FYB2: variants seen among roughly 807,000 people sequenced by gnomAD.
FYB2 encodes FYN binding protein 2.
Under a neutral mutation model 94.1 loss-of-function variants are expected in FYB2, and 103 were observed. The ratio of observed to expected loss-of-function variants is 1.09; its 90% CI spans 0.93 to 1.29. FYB2 has a LOEUF of 1.29. Among genes scored for constraint, FYB2 ranks in the 50% most tolerant of loss-of-function variants. The probability of loss-of-function intolerance (pLI) is 0.00; values close to 1 mark genes in which losing one functional copy is unlikely to be tolerated. For missense variants in FYB2, 896 were observed against 841.5 expected (o/e 1.06, Z -0.80); for synonymous variants, 293 against 287.9 (o/e 1.02, Z -0.18).
At chr1:56,775,960 T>A (rs1029753579) in intron 4 of FYB2, among the ~76,000 whole-genome samples, 1 of 152,172 alleles carries the variant, frequency 6.6e-6, no homozygotes, top group East Asian at 1.9e-4. Context: ...TTATCTCACA[T>A]AATCCTCTCA....
intron 1 of FYB2, among the ~76,000 whole-genome samples, chr1:56,814,703 C>T (rs1382922931): frequency 6.6e-6 from 1 of 152,166 alleles, no homozygotes; most frequent in African/African-American, 2.4e-5. Context: ...TGAACTTAAC[C>T]CAGGCCCAGT....
At chr1:56,733,216 G>C (rs1644749767) in intron 15 of FYB2, among the ~76,000 whole-genome samples, 1 of 152,032 alleles carries the variant, frequency 6.6e-6, no homozygotes, top group Admixed American at 6.6e-5. Context: ...TAGTTTATTT[G>C]GGTAGAGGTG....
chr1:56,731,190 G>A (rs1355645142), intron 15 of FYB2, among the ~76,000 whole-genome samples: 7 of 152,106 alleles, frequency 4.6e-5, no homozygotes, highest in Non-Finnish European at 8.8e-5. Flanking sequence ...GGGCTCACTT[G>A]GTGAGCACAT....
At chr1:56,733,091 G>A (rs1334680037) in intron 15 of FYB2, among the ~76,000 whole-genome samples, 2 of 151,868 alleles carry the variant, frequency 1.3e-5, no homozygotes, top group Admixed American at 6.6e-5. Flanking sequence ...AATCTGACAG[G>A]TGATTAATAT....
chr1:56,722,995 A>G (rs1238428892), intron 17 of FYB2, among the ~76,000 whole-genome samples: 1 of 152,016 alleles, frequency 6.6e-6, no homozygotes, highest in Non-Finnish European at 1.5e-5. Flanking sequence ...AAAATGTCCC[A>G]TGGACTCTTA....
intron 12 of FYB2, among the ~76,000 whole-genome samples, chr1:56,741,106 T>G (rs988340919): frequency 6.6e-6 from 1 of 152,010 alleles, no homozygotes; most frequent in African/African-American, 2.4e-5. Flanking sequence ...CAGGTACCTC[T>G]GAGTCCATAA....
rs774092080 is a variant in FYB2 at position 56,758,700 on chromosome 1, T to C, written c.1098+16A>G. The C allele has an allele frequency of 6.3e-6, 10 of 1,576,938 alleles. No individual in the cohort carries two copies. The highest frequency in any genetic ancestry group is 3.5e-5 in the Admixed American group (2 of 56,886). On this transcript the variant is annotated intron_variant, in intron 6 of 19. Transcript: ENST00000343433. ...ATTTTACTTTTAGTTACAATGTTGG[T>C]AAGGAGAAACAATACCTTTTGGAGT...
At chr1:56,801,734 C>T (rs942971045) in intron 1 of FYB2, among the ~76,000 whole-genome samples, 39 of 152,286 alleles carry the variant, frequency 2.6e-4, no homozygotes, top group African/African-American at 8.9e-4. Flanking sequence ...CTCTACTATC[C>T]GGTCCCATCT....
chr1:56,747,379 G>C (rs1287230165), intron 9 of FYB2, among the ~76,000 whole-genome samples: 1 of 151,846 alleles, frequency 6.6e-6, no homozygotes, highest in East Asian at 1.9e-4. Context: ...CATGCACTAA[G>C]TATTTGTCCT....
chr1:56,799,450 A>G lies in FYB2; in HGVS notation c.10-6647T>C, dbSNP rs148711223. On this transcript the variant is annotated intron_variant, in intron 1 of 19. Transcript: ENST00000343433. ...AGGAAGCCAATTTGCATTGGCTTTT[A>G]AGACACTTTCTCAGACTTTTTATTT... Among the ~76,000 whole-genome samples, 461 of 152,276 alleles carry G rather than the reference A, an allele frequency of 3.0e-3. 1 individual carries two copies. Among genetic ancestry groups the G allele is most frequent in the African/African-American group, 0.011 (446 of 41,566 alleles).
chr1:56,805,997 C>T (rs577578221), intron 1 of FYB2, among the ~76,000 whole-genome samples: 1 of 152,334 alleles, frequency 6.6e-6, no homozygotes, highest in South Asian at 2.1e-4. Flanking sequence ...TTAAAATCAA[C>T]TCTATGCTAT....
chr1:56,751,443 C>T (rs857111), intron 8 of FYB2, among the ~76,000 whole-genome samples: 81,265 of 151,750 alleles, frequency 0.54, 22,150 homozygotes, highest in African/African-American at 0.64. Context: ...AGTCAGGATA[C>T]AGGGTGTACT....
chr1:56,768,028 T>A, intron 4 of FYB2, 90 bp from the exon 5 acceptor site: 1 of 982,290 alleles, frequency 1.0e-6, no homozygotes, highest in Non-Finnish European at 1.5e-6. Context: ...AGAAATAATA[T>A]GTGTGTCTGG....
At chr1:56,743,875 G>A (rs1254052366) in intron 11 of FYB2, 151 bp downstream of exon 11, 2 of 751,846 alleles carry the variant, frequency 2.7e-6, no homozygotes, top group Non-Finnish European at 4.3e-6. Context: ...TGGTATTGCT[G>A]TTAGCACATA....
At chr1:56,826,051 A>C in the FYB2 span, among the ~76,000 whole-genome samples, 1 of 152,130 alleles carries the variant, frequency 6.6e-6, no homozygotes, top group Non-Finnish European at 1.5e-5. Flanking sequence ...ACGCATTCCC[A>C]CAGTGGGTGC....
chr1:56,751,932 T>C (rs1645208700), intron 8 of FYB2, among the ~76,000 whole-genome samples: 1 of 151,934 alleles, frequency 6.6e-6, no homozygotes, highest in African/African-American at 2.4e-5. Context: ...GGCTGGGAGA[T>C]GGGTTAGAGA....
In FYB2 at chr1:56,805,324, T is replaced by C. The variant is rs187702982; in HGVS notation, c.10-12521A>G. On this transcript the variant is annotated intron_variant, in intron 1 of 19. Transcript: ENST00000343433. ...ATTAAACTGAGAAGATTAGAAAGCA[T>C]TTGTTGTATATTTGTGGGTAGGGTA... 3.0e-3 allele frequency among the ~76,000 whole-genome samples: 459 copies of C among 152,294 alleles called. 3 individuals are homozygous for C. Among genetic ancestry groups the C allele is most frequent in the African/African-American group, 0.01 (428 of 41,570 alleles).
intron 1 of FYB2, among the ~76,000 whole-genome samples, chr1:56,802,940 G>C (rs545417252): frequency 6.6e-6 from 1 of 152,128 alleles, no homozygotes; most frequent in Non-Finnish European, 1.5e-5. Flanking sequence ...ATGAAAATTT[G>C]TGTGTTAGCA....
intron 14 of FYB2, among the ~76,000 whole-genome samples, chr1:56,738,062 T>C (rs1021743107): frequency 6.6e-6 from 1 of 152,102 alleles, no homozygotes; most frequent in Non-Finnish European, 1.5e-5. Flanking sequence ...ATGACCCTCT[T>C]TTATTGACAA....
Sources: allele counts gnomAD v4.1 joint callset (sites outside exome capture counted in the v4.1 genomes callset), GRCh38; gene constraint gnomAD v4.1.1; transcripts MANE v1.5; gene names NCBI Gene and HGNC (gene_info 2026-07-23, HGNC 2026-07-21).